Variants in C12orf42 observed in about 807,000 individuals in gnomAD.
C12orf42 encodes chromosome 12 open reading frame 42.
In C12orf42, 25 loss-of-function variants were observed where a neutral mutation model predicts 21.6. That is an observed-to-expected ratio of 1.16 (90% CI 0.84 to 1.62). The LOEUF (loss-of-function observed/expected upper bound fraction) is 1.62. C12orf42 is among the 40% of genes most tolerant of loss of function. The pLI, the probability that C12orf42 is intolerant of heterozygous loss-of-function variation, is 0.00. For missense variants in C12orf42, 483 were observed against 459.3 expected (o/e 1.05, Z -0.47); for synonymous variants, 174 against 175.0 (o/e 0.99, Z 0.05).
At chr12:103,521,352 T>C in the C12orf42 span, among the ~76,000 whole-genome samples, 3 of 152,232 alleles carry the variant, frequency 2.0e-5, no homozygotes, top group East Asian at 5.8e-4. Flanking sequence ...ATGCAGCCAT[T>C]TAAAAAAGCG....
the C12orf42 span, among the ~76,000 whole-genome samples, chr12:103,116,330 C>T: frequency 8.0e-5 from 12 of 149,658 alleles, no homozygotes; most frequent in African/African-American, 3.0e-4. Flanking sequence ...CGCCATTGCA[C>T]TCCAGCCTGG....
chr12:103,548,160 C>A, the C12orf42 span, among the ~76,000 whole-genome samples: 1 of 152,210 alleles, frequency 6.6e-6, no homozygotes, highest in African/African-American at 2.4e-5. Context: ...GAGTGAGGAG[C>A]AAGAGCTCCC....
the C12orf42 span, among the ~76,000 whole-genome samples, chr12:103,219,457 A>T: frequency 1.3e-5 from 2 of 152,218 alleles, no homozygotes; most frequent in Non-Finnish European, 2.9e-5. Flanking sequence ...AGAAACTGTC[A>T]TCAGACTGAA....
intron 1 of C12orf42, among the ~76,000 whole-genome samples, chr12:103,488,634 G>C (rs1304258719): frequency 6.6e-6 from 1 of 152,140 alleles, no homozygotes; most frequent in Non-Finnish European, 1.5e-5. Flanking sequence ...ATATTTCTTA[G>C]AGGCTTTTTT....
At chr12:103,348,114 T>A (rs1197844805) in intron 4 of C12orf42, among the ~76,000 whole-genome samples, 2 of 152,214 alleles carry the variant, frequency 1.3e-5, no homozygotes, top group Non-Finnish European at 2.9e-5. Context: ...CTATGTATTA[T>A]GCACACTGAT....
chr12:103,249,173 T>G (rs960783023), intron 10 of C12orf42, among the ~76,000 whole-genome samples: 1 of 152,030 alleles, frequency 6.6e-6, no homozygotes, highest in African/African-American at 2.4e-5. Flanking sequence ...GGATTGGAGT[T>G]AGTTTGGGGA....
intron 2 of C12orf42, among the ~76,000 whole-genome samples, chr12:103,436,727 T>C (rs553198391): frequency 2.0e-4 from 31 of 152,134 alleles, no homozygotes; most frequent in Admixed American, 4.6e-4. Flanking sequence ...ATGCACCCAA[T>C]ACAGGAGCAC....
the C12orf42 span, among the ~76,000 whole-genome samples, chr12:103,134,147 A>T: frequency 6.6e-6 from 1 of 152,230 alleles, no homozygotes; most frequent in Non-Finnish European, 1.5e-5. Context: ...AATTGAAAGA[A>T]GTGACTGTTA....
chr12:103,336,732 C>T (rs752796661), intron 4 of C12orf42, among the ~76,000 whole-genome samples: 35 of 152,136 alleles, frequency 2.3e-4, no homozygotes, highest in Admixed American at 5.9e-4. Flanking sequence ...TTAATTTGAG[C>T]AAAGTCTTTT....
chr12:103,147,623 C>CTTTTTTTTTTTT, the C12orf42 span, among the ~76,000 whole-genome samples: 10 of 99,312 alleles, frequency 1.0e-4, no homozygotes, highest in African/African-American at 1.6e-4. Flanking sequence ...TTCTCTCTCT[C>CTTTTTTTTTTTT]TTTTTTTTTT....
intron 5 of C12orf42, among the ~76,000 whole-genome samples, chr12:103,273,120 T>C (rs2035564604): frequency 1.3e-5 from 2 of 152,186 alleles, no homozygotes; most frequent in African/African-American, 4.8e-5. Flanking sequence ...GTTAGGATAT[T>C]AGTCATTCTT....
chr12:103,409,806 T>C (rs772593886), intron 2 of C12orf42, among the ~76,000 whole-genome samples: 1 of 152,226 alleles, frequency 6.6e-6, no homozygotes, highest in Non-Finnish European at 1.5e-5. Context: ...ATTTTCATCA[T>C]GATTCTTATT....
At chr12:103,222,626 CTA>C in the C12orf42 span, among the ~76,000 whole-genome samples, 1 of 152,054 alleles carries the variant, frequency 6.6e-6, no homozygotes, top group Non-Finnish European at 1.5e-5. Context: ...GCAGGTGAGA[CTA>C]TAGGAAGTGA....
chr12:103,218,822 C>A, the C12orf42 span, among the ~76,000 whole-genome samples: 3 of 152,060 alleles, frequency 2.0e-5, no homozygotes, highest in East Asian at 5.8e-4. Flanking sequence ...ATGAGAATTG[C>A]AAAAAATTAA....
At chr12:103,239,342 A>G (rs573735111) in intron 10 of C12orf42, among the ~76,000 whole-genome samples, 88 of 152,266 alleles carry the variant, frequency 5.8e-4, no homozygotes, top group African/African-American at 2.0e-3. Context: ...CCTTGGCATC[A>G]ACTATAATCG....
At chr12:103,140,742 GC>G in the C12orf42 span, among the ~76,000 whole-genome samples, 1 of 152,030 alleles carries the variant, frequency 6.6e-6, no homozygotes, top group Admixed American at 6.6e-5. Context: ...TAAAAAAATG[GC>G]ACCAATAAAG....
Position 103,433,121 on chromosome 12 carries a change from A to C in C12orf42, c.79-31446T>G, listed in dbSNP as rs143606785. Among the ~76,000 whole-genome samples, 87 of 152,352 alleles carry C rather than the reference A, an allele frequency of 5.7e-4. No homozygotes were observed. The East Asian group carries it at 0.015, about 26-fold the overall frequency. On this transcript the variant is annotated intron_variant, in intron 2 of 5. Transcript: ENST00000548883. ...CAGGCCATAGCTTCCCAACAGTAGG[A>C]TATAGATACATTTGCGGTTGTGTCC...
At position 103,253,282 on chromosome 12, in the gene C12orf42, T is replaced by A. The variant is rs568434541; in HGVS notation, c.*1366+10044A>T. On this transcript the variant is annotated intron_variant and NMD_transcript_variant, in intron 10 of 10. Transcript: ENST00000547347. Reference sequence around the variant, plus strand: ...TCTTTTTGCTTAGGATTGTCCTGGTTATACATGCTCTTTTTTGTTCTATTT... The same window carrying A: ...TCTTTTTGCTTAGGATTGTCCTGGTAATACATGCTCTTTTTTGTTCTATTT... 1.5e-3 allele frequency among the ~76,000 whole-genome samples: 230 copies of A among 152,200 alleles called. 1 individual carries two copies. Among genetic ancestry groups the A allele is most frequent in the South Asian group, 7.7e-3 (37 of 4,824 alleles).
At chr12:103,451,345 G>A (rs1363746252) in intron 2 of C12orf42, among the ~76,000 whole-genome samples, 2 of 146,512 alleles carry the variant, frequency 1.4e-5, no homozygotes, top group Non-Finnish European at 3.0e-5. Flanking sequence ...TCCCACCTCA[G>A]CCTCCCAAGT....
Sources: gnomAD v4.1 joint callset for allele counts (sites outside exome capture counted in the v4.1 genomes callset) on GRCh38, gnomAD v4.1.1 for gene constraint, MANE v1.5 for transcripts, NCBI Gene and HGNC (gene_info 2026-07-23, HGNC 2026-07-21) for gene names.